The following CTNNA2 variants were observed in gnomAD, a reference collection of about 807,000 sequenced individuals.
CTNNA2 encodes the protein catenin alpha-2.
CTNNA2 carries 42 observed loss-of-function variants against 101.0 expected under a neutral mutation model. The ratio of observed to expected loss-of-function variants is 0.42; its 90% confidence interval spans 0.32 to 0.54. CTNNA2 has a LOEUF of 0.54. Ranked by LOEUF, CTNNA2 falls within the 20% of genes least tolerant of loss-of-function variation. The probability of loss-of-function intolerance (pLI) is 0.14; values close to 1 mark genes in which losing one functional copy is unlikely to be tolerated. For synonymous variants in CTNNA2, 450 were observed against 456.4 expected, an observed-to-expected ratio of 0.99 and a Z score of 0.18; for missense variants, 871 against 1,223.1, an observed-to-expected ratio of 0.71 and a Z score of 4.29.
chr2:79,515,998 C>T (rs1671788120), intron 1 of CTNNA2, among the ~76,000 whole-genome samples: 1 of 152,178 alleles, frequency 6.6e-6, no homozygotes, highest in Non-Finnish European at 1.5e-5. Context: ...TCTTTGACCT[C>T]AGCTTACAGT....
At chr2:79,250,977 A>G (rs974995104) in intron 2 of CTNNA2, among the ~76,000 whole-genome samples, 1 of 152,180 alleles carries the variant, frequency 6.6e-6, no homozygotes, top group South Asian at 2.1e-4. Context: ...AAACGAGTTT[A>G]TTTGGGAAAA....
chr2:79,928,465 A>G (rs930802475), intron 7 of CTNNA2, among the ~76,000 whole-genome samples: 6 of 152,208 alleles, frequency 3.9e-5, no homozygotes, highest in Non-Finnish European at 7.3e-5. Flanking sequence ...TCTATTCATT[A>G]TTTCTGATTT....
chr2:79,885,174 G>T (rs1683757619), intron 6 of CTNNA2, among the ~76,000 whole-genome samples: 1 of 151,876 alleles, frequency 6.6e-6, no homozygotes, highest in Non-Finnish European at 1.5e-5. Context: ...GGAGATCCAG[G>T]GTTGGAGTGC....
intron 3 of CTNNA2, among the ~76,000 whole-genome samples, chr2:79,844,068 G>A (rs1032973973): frequency 1.3e-5 from 2 of 152,124 alleles, no homozygotes; most frequent in African/African-American, 2.4e-5. Flanking sequence ...GTGTACCTAC[G>A]TTCACTGGCA....
chr2:79,538,316 C>T (rs1673197816), intron 1 of CTNNA2, among the ~76,000 whole-genome samples: 2 of 152,124 alleles, frequency 1.3e-5, no homozygotes, highest in Non-Finnish European at 2.9e-5. Flanking sequence ...AAACCTTATA[C>T]CGCCTGTAAT....
At chr2:80,218,810 T>G (rs2149050074) in intron 7 of CTNNA2, among the ~76,000 whole-genome samples, 1 of 152,346 alleles carries the variant, frequency 6.6e-6, no homozygotes, top group South Asian at 2.1e-4. Flanking sequence ...TGAAAATATA[T>G]TTAAGAGTAC....
chr2:80,115,490 G>A (rs1701460338), intron 7 of CTNNA2, among the ~76,000 whole-genome samples: 1 of 152,162 alleles, frequency 6.6e-6, no homozygotes, highest in African/African-American at 2.4e-5. Context: ...AGATCTTTAG[G>A]ACCATTGTCT....
intron 2 of CTNNA2, among the ~76,000 whole-genome samples, chr2:79,212,963 T>C (rs1217460436): frequency 6.6e-6 from 1 of 152,142 alleles, no homozygotes; most frequent in Non-Finnish European, 1.5e-5. Context: ...AATGAGAGGT[T>C]CTAAGAGATG....
At chr2:80,224,267 C>A (rs1573442118) in intron 7 of CTNNA2, among the ~76,000 whole-genome samples, 1 of 152,098 alleles carries the variant, frequency 6.6e-6, no homozygotes, top group Non-Finnish European at 1.5e-5. Context: ...CACCCTTACC[C>A]TCTTCTCTTT....
intron 1 of CTNNA2, among the ~76,000 whole-genome samples, chr2:79,583,651 C>G (rs540752798): frequency 6.6e-6 from 1 of 152,196 alleles, no homozygotes; most frequent in South Asian, 2.1e-4. Context: ...AAGCCATATA[C>G]GATCATTTCA....
At chr2:79,423,017 G>A (rs937264217) in intron 4 of CTNNA2, among the ~76,000 whole-genome samples, 1 of 152,126 alleles carries the variant, frequency 6.6e-6, no homozygotes, top group Non-Finnish European at 1.5e-5. Context: ...ACTCTCCTTT[G>A]TTGAAGAGGT....
chr2:79,257,478 G>C (rs1674862835), intron 2 of CTNNA2, among the ~76,000 whole-genome samples: 1 of 150,204 alleles, frequency 6.7e-6, no homozygotes, highest in Admixed American at 6.6e-5. Flanking sequence ...AGCAATGGCA[G>C]AGGAAGGGAG....
At chr2:79,201,331 T>C (rs1009430039) in intron 2 of CTNNA2, among the ~76,000 whole-genome samples, 1 of 152,148 alleles carries the variant, frequency 6.6e-6, no homozygotes, top group African/African-American at 2.4e-5. Context: ...CAGCTGGTTG[T>C]TCATCTTAAC....
chr2:80,169,047 G>A (rs904745995), intron 7 of CTNNA2, among the ~76,000 whole-genome samples: 1 of 152,206 alleles, frequency 6.6e-6, no homozygotes, highest in African/African-American at 2.4e-5. Flanking sequence ...GGGCCACGGG[G>A]CCTGACCTTG....
Position 80,249,704 on chromosome 2 carries a change from T to C in CTNNA2, c.1057-143507T>C, listed in dbSNP as rs114463872. On this transcript the variant is annotated intron_variant, in intron 7 of 18. Coordinates refer to ENST00000402739, the MANE Select transcript of CTNNA2 (RefSeq NM_001282597.3). ...ATTCTAAGATACATATTTAAAACTATTACATTCAGCTGCCTGTCAACATCC... is the reference window on the plus strand; with the variant it reads ...ATTCTAAGATACATATTTAAAACTACTACATTCAGCTGCCTGTCAACATCC... Among the ~76,000 whole-genome samples the C allele has an allele frequency of 9.1e-3, 1,384 of 152,270 alleles. 22 individuals are homozygous for C. The highest frequency in any genetic ancestry group is 0.032 in the African/African-American group (1,312 of 41,560).
chr2:80,184,815 AT>A (rs1706007708), intron 7 of CTNNA2, among the ~76,000 whole-genome samples: 1 of 152,188 alleles, frequency 6.6e-6, no homozygotes, highest in African/African-American at 2.4e-5. Flanking sequence ...TTAAAGGCTT[AT>A]GTAATTTCTT....
chr2:80,528,961 G>T (rs1395630245), intron 9 of CTNNA2, among the ~76,000 whole-genome samples: 1 of 152,142 alleles, frequency 6.6e-6, no homozygotes, highest in Admixed American at 6.6e-5. Flanking sequence ...AAATAAACAA[G>T]TATTAAGAGA....
At chr2:80,142,775 G>A (rs763374954) in intron 7 of CTNNA2, among the ~76,000 whole-genome samples, 4 of 152,192 alleles carry the variant, frequency 2.6e-5, no homozygotes, top group South Asian at 2.1e-4. Flanking sequence ...TGAGAGATGC[G>A]AAAGGGGCTT....
chr2:80,269,462 T>TAC (rs1673285377), intron 7 of CTNNA2, among the ~76,000 whole-genome samples: 1 of 152,220 alleles, frequency 6.6e-6, no homozygotes, highest in South Asian at 2.1e-4. Context: ...AAGTCTCGGG[T>TAC]ATATCCTTAT....
Sources: allele counts gnomAD v4.1 joint callset (sites outside exome capture counted in the v4.1 genomes callset), GRCh38; gene constraint gnomAD v4.1.1; transcripts MANE v1.5; gene names NCBI Gene and HGNC (gene_info 2026-07-23, HGNC 2026-07-21).